PCNX1: variants seen among roughly 807,000 people sequenced by gnomAD.
PCNX1 encodes the protein pecanex-like protein 1.
PCNX1 carries 78 observed loss-of-function variants against 242.2 expected under a neutral mutation model. That is an observed-to-expected ratio of 0.32 (90% CI 0.27 to 0.39). The LOEUF (loss-of-function observed/expected upper bound fraction) is 0.39. Among genes scored for constraint, PCNX1 ranks in the 10% least tolerant of loss-of-function variants. The probability of loss-of-function intolerance (pLI) is 1.00; values close to 1 mark genes in which losing one functional copy is unlikely to be tolerated. For missense variants in PCNX1, 2,581 were observed against 2,856.5 expected, an observed-to-expected ratio of 0.90 and a Z score of 2.20; for synonymous variants, 1,024 against 1,032.9, an observed-to-expected ratio of 0.99 and a Z score of 0.17.
chr14:70,914,526 A>G lies in PCNX1; in HGVS notation c.153+6523A>G, dbSNP rs551435681. Among the ~76,000 whole-genome samples the G allele has an allele frequency of 5.9e-5, 9 of 152,116 alleles. No individual in the cohort carries two copies. In the South Asian group the frequency reaches 1.2e-3, roughly 21 times the overall value. ...TGATTGGAAAACTAGGAAAGTTTCT[A>G]TTTTTTTTCTAGCCTTTGAATACAC... On this transcript the variant is annotated intron_variant, in intron 1 of 35. Coordinates refer to ENST00000304743, the MANE Select transcript of PCNX1 (RefSeq NM_014982.3).
intron 26 of PCNX1, among the ~76,000 whole-genome samples, chr14:71,065,714 C>T (rs2061429473): frequency 6.6e-6 from 1 of 152,144 alleles, no homozygotes; most frequent in Non-Finnish European, 1.5e-5. Flanking sequence ...ATGGTATTGT[C>T]TAGCTTTTCT....
intron 4 of PCNX1, among the ~76,000 whole-genome samples, chr14:70,968,767 G>C (rs2058455303): frequency 6.6e-6 from 1 of 152,114 alleles, no homozygotes. Flanking sequence ...TAAAGAAATA[G>C]TTTTATTAGT....
rs1314209319 is a variant in PCNX1, at chr14:70,996,631, T to A, written c.2629+706T>A. Among the ~76,000 whole-genome samples, 6 of 152,294 alleles carry A rather than the reference T, an allele frequency of 3.9e-5. No individual in the cohort carries two copies. In the South Asian group the frequency reaches 1.2e-3, roughly 32 times the overall value. On this transcript the variant is annotated intron_variant, in intron 8 of 35. Transcript: ENST00000304743. ...TATGTTACTTTGGTTTCTGTGTCTC[T>A]GTATAATCTAGCTGTCTTGTTCTCA... is the stretch of plus-strand genomic sequence containing the variant.
intron 6 of PCNX1, among the ~76,000 whole-genome samples, chr14:70,984,274 T>TA: frequency 6.6e-6 from 1 of 151,704 alleles, no homozygotes; most frequent in South Asian, 2.1e-4. Flanking sequence ...TCTAAATTTT[T>TA]ATTAATTTAA....
At chr14:70,909,313 T>C (rs1414345561) in intron 1 of PCNX1, among the ~76,000 whole-genome samples, 30 of 152,190 alleles carry the variant, frequency 2.0e-4, no homozygotes, top group African/African-American at 7.0e-4. Flanking sequence ...GTGGCTTGTT[T>C]TATTAGGGGG....
chr14:71,026,802 T>C lies in PCNX1; in HGVS notation c.3386T>C (p.Phe1129Ser). 1 of 1,556,290 alleles carries C rather than the reference T, an allele frequency of 6.4e-7. No individual in the cohort carries two copies. The highest frequency in any genetic ancestry group is 1.1e-5 in the South Asian group (1 of 89,286). The part of the protein sequence containing the change: ...VFTLCFPIVF[F>S]IGLLPQVNTF... ...ACACTCTGTTTCCCAATAGTGTTTTTCATTGGTCTCCTGCCTCAGGTGAAT... is the reference window on the plus strand; with the variant it reads ...ACACTCTGTTTCCCAATAGTGTTTTCCATTGGTCTCCTGCCTCAGGTGAAT... The change falls in exon 15 of 36, where the codon TTC (phenylalanine) becomes TCC (serine). Residue 1129 changes from phenylalanine (F) to serine (S), a missense_variant. By Grantham distance (155) the Phe-to-Ser change is radical. Around this residue, in one of 9 missense-constraint regions of PCNX1, gnomAD observed 432 missense variants for 443.1 expected, o/e 0.97. Transcript: ENST00000304743.
At chr14:71,060,839 C>G (rs928784380) in intron 26 of PCNX1, 1 of 152,124 alleles carries the variant, frequency 6.6e-6, no homozygotes, top group African/African-American at 2.4e-5. Context: ...CAATCACAGA[C>G]AAAACAAAAA....
intron 1 of PCNX1, among the ~76,000 whole-genome samples, chr14:70,916,488 A>C (rs1442207177): frequency 6.6e-6 from 1 of 152,226 alleles, no homozygotes; most frequent in African/African-American, 2.4e-5. Context: ...CACTGCGATA[A>C]AGCGAATATT....
At chr14:70,996,894 T>C (rs1030014302) in intron 8 of PCNX1, among the ~76,000 whole-genome samples, 1 of 152,174 alleles carries the variant, frequency 6.6e-6, no homozygotes, top group African/African-American at 2.4e-5. Flanking sequence ...CTTTTTTCTA[T>C]TTTGTAAAAA....
At chr14:70,967,964 T>C (rs914353148) in intron 3 of PCNX1, among the ~76,000 whole-genome samples, 1 of 152,120 alleles carries the variant, frequency 6.6e-6, no homozygotes, top group African/African-American at 2.4e-5. Flanking sequence ...GTCCTGAGCA[T>C]GCAGAGGGAT....
chr14:71,019,365 G>GT (rs1169111628), intron 12 of PCNX1, among the ~76,000 whole-genome samples: 1 of 152,126 alleles, frequency 6.6e-6, no homozygotes, highest in African/African-American at 2.4e-5. Context: ...CTAAAAACAA[G>GT]TTTTTTGTAT....
In PCNX1 at chr14:71,019,121, T is replaced by A. The variant is rs1201049375; in HGVS notation, c.3109T>A (p.Phe1037Ile). 2 of 1,612,696 alleles carry A rather than the reference T, an allele frequency of 1.2e-6. No individual in the cohort carries two copies. The highest frequency in any genetic ancestry group is 3.3e-5 in the Admixed American group (2 of 59,860). ...GFFRDIWVFQFCLVIASCQYS... is the reference protein window; with the variant it reads ...GFFRDIWVFQICLVIASCQYS... The stretch of plus-strand genomic sequence containing the variant: ...CTTCAGAGATATCTGGGTCTTCCAG[T>A]TCTGCCTCGTCATAGCCAGCTGTCA... The change falls in exon 12 of 36, where the codon TTC becomes ATC. Residue 1037 changes from phenylalanine (F) to isoleucine (I), a missense_variant. Physicochemically the swap from Phe to Ile is conservative, Grantham distance 21. Around this residue, in one of 9 missense-constraint regions of PCNX1, gnomAD observed 55 missense variants for 49.8 expected, o/e 1.10. Coordinates refer to ENST00000304743, the MANE Select transcript of PCNX1 (RefSeq NM_014982.3).
chr14:71,012,946 G>A, intron 10 of PCNX1, 39 bp from the exon 11 acceptor site: 1 of 1,201,552 alleles, frequency 8.3e-7, no homozygotes. Flanking sequence ...AATAAATATT[G>A]AAGATATTTT....
chr14:70,908,894 T>G (rs2139971627), intron 1 of PCNX1, among the ~76,000 whole-genome samples: 1 of 152,352 alleles, frequency 6.6e-6, no homozygotes, highest in South Asian at 2.1e-4. Context: ...AAGCGCAGTT[T>G]CTAAAGCACA....
At chr14:71,073,819 A>T (rs1290411177) in intron 27 of PCNX1, 21 bp downstream of exon 27, 1 of 1,522,912 alleles carries the variant, frequency 6.6e-7, no homozygotes, top group Non-Finnish European at 8.8e-7. Flanking sequence ...GTGCCTACTT[A>T]GATCTTTAGA....
chr14:71,083,436 G>C (rs1268254889), intron 28 of PCNX1, among the ~76,000 whole-genome samples: 2 of 152,108 alleles, frequency 1.3e-5, no homozygotes, highest in Admixed American at 1.3e-4. Context: ...TAATAATCCT[G>C]AAGAATGTTT....
intron 16 of PCNX1, chr14:71,031,563 T>A: frequency 2.2e-6 from 1 of 464,202 alleles, no homozygotes; most frequent in East Asian, 4.5e-5. Flanking sequence ...TTCAACAACC[T>A]CCTGAGACAG....
chr14:70,998,769 AAAAG>A (rs1376688058), intron 8 of PCNX1, among the ~76,000 whole-genome samples: 6 of 150,320 alleles, frequency 4.0e-5, no homozygotes, highest in South Asian at 2.1e-4. Context: ...AAAAAAAAAA[AAAAG>A]AAAAACTGAC....
At chr14:71,049,621 G>A (rs762057251) in intron 22 of PCNX1, among the ~76,000 whole-genome samples, 1 of 152,088 alleles carries the variant, frequency 6.6e-6, no homozygotes, top group Non-Finnish European at 1.5e-5. Context: ...TGATATACAT[G>A]CTGCTTTTAC....
Sources: allele counts gnomAD v4.1 joint callset (sites outside exome capture counted in the v4.1 genomes callset), GRCh38; gene constraint gnomAD v4.1.1; regional missense constraint gnomAD v4.1.1; transcripts MANE v1.5; gene names NCBI Gene and HGNC (gene_info 2026-07-23, HGNC 2026-07-21).